The following DEPDC5 variants were observed in gnomAD, a reference collection of about 807,000 sequenced individuals.
DEPDC5 encodes DEP domain containing 5, GATOR1 subcomplex subunit, also known as GATOR1 complex protein DEPDC5.
Under a neutral mutation model 217.3 loss-of-function variants are expected in DEPDC5, and 73 were observed. The observed-to-expected ratio is 0.34, with a 90% CI of 0.28 to 0.41. The LOEUF is 0.41. Ranked by LOEUF, DEPDC5 falls within the 10% of genes least tolerant of loss-of-function variation. The pLI, the probability that DEPDC5 is intolerant of heterozygous loss-of-function variation, is 1.00. For missense variants in DEPDC5, 1,675 were observed against 2,070.1 expected, an observed-to-expected ratio of 0.81 and a Z score of 3.70; for synonymous variants, 733 against 756.7, an observed-to-expected ratio of 0.97 and a Z score of 0.51.
At chr22:31,879,280 C>T (rs2093108334) in intron 37 of DEPDC5, among the ~76,000 whole-genome samples, 1 of 151,608 alleles carries the variant, frequency 6.6e-6, no homozygotes, top group Non-Finnish European at 1.5e-5. Flanking sequence ...GAAATGAAAC[C>T]CCATCCCCTT....
At position 31,802,770 on chromosome 22, in the gene DEPDC5, C is replaced by A. The variant is rs759230562; in HGVS notation, c.1013C>A (p.Pro338His). ...RTGQMSVVIT[P>H]GVGVFEVDRL... is the part of the protein sequence containing the mutation. Reference sequence around the variant, plus strand: ...GGGCAGATGTCAGTGGTGATCACGCCCGGGGTGGGTGTCTTTGAAGTGGAC... The same window carrying A: ...GGGCAGATGTCAGTGGTGATCACGCACGGGGTGGGTGTCTTTGAAGTGGAC... The change falls in exon 15 of 43, where the codon CCC becomes CAC. Residue 338 changes from proline (P) to histidine (H), a missense_variant. This residue lies in a region of DEPDC5 where 628 missense variants were observed against 762.1 expected (regional missense o/e 0.82). Coordinates refer to ENST00000651528, the MANE Select transcript of DEPDC5 (RefSeq NM_001242896.3). 1 of 1,605,740 alleles carries A rather than the reference C, an allele frequency of 6.2e-7. No individual in the cohort carries two copies. The highest frequency in any genetic ancestry group is 8.5e-7 in the Non-Finnish European group (1 of 1,176,526).
intron 38 of DEPDC5, among the ~76,000 whole-genome samples, chr22:31,885,666 A>G (rs1477654374): frequency 1.4e-5 from 2 of 147,100 alleles, no homozygotes; most frequent in Non-Finnish European, 3.0e-5. Context: ...CAGAGCTTGC[A>G]GTGAGCCGAG....
At chr22:31,794,106 C>CA (rs374473695) in intron 12 of DEPDC5, among the ~76,000 whole-genome samples, 73 of 152,284 alleles carry the variant, frequency 4.8e-4, no homozygotes, top group African/African-American at 1.7e-3. Flanking sequence ...ATGGACCTGA[C>CA]ACAGTCAATC....
chr22:31,851,739 G>T (rs192481264), intron 31 of DEPDC5, among the ~76,000 whole-genome samples: 513 of 152,300 alleles, frequency 3.4e-3, no homozygotes, highest in Non-Finnish European at 5.5e-3. Flanking sequence ...TGTCATGCCC[G>T]CAGGAACCTG....
chr22:31,898,395 G>A (rs1420400431), intron 40 of DEPDC5, among the ~76,000 whole-genome samples: 1 of 152,172 alleles, frequency 6.6e-6, no homozygotes, highest in Non-Finnish European at 1.5e-5. Context: ...CGTTGTGGAT[G>A]CACATATAAA....
chr22:31,798,706 A>G lies in DEPDC5; in HGVS notation c.946+50A>G, dbSNP rs201826750. The G allele has an allele frequency of 6.4e-4, 999 of 1,571,692 alleles. 2 individuals carry two copies. The highest frequency in any genetic ancestry group is 1.2e-3 in the Admixed American group (73 of 58,860). On this transcript the variant is annotated intron_variant, in intron 14 of 42. Coordinates refer to ENST00000651528, the MANE Select transcript of DEPDC5 (RefSeq NM_001242896.3). ...CCAGCATCTTGCCTACCACATGGCT[A>G]TGTTACCGGAAAGGTGTCCTGATCC...
chr22:31,775,987 G>GC (rs1185961986), intron 7 of DEPDC5, among the ~76,000 whole-genome samples: 2 of 146,452 alleles, frequency 1.4e-5, no homozygotes, highest in Non-Finnish European at 3.0e-5. Flanking sequence ...GTTGCAGTGA[G>GC]CTGAGATCGC....
rs369183411 is a variant in DEPDC5, at chr22:31,906,014, C to G, written c.4467C>G (p.Ala1489=). 2.5e-5 allele frequency: 41 copies of G among 1,614,036 alleles called. 1 individual carries two copies. The South Asian group carries it at 4.3e-4, about 17-fold the overall frequency. Residue 1489 remains alanine, a synonymous_variant, in exon 42 of 43, where the codon GCC becomes GCG. Transcript: ENST00000651528. The surrounding 1 kb of genome is among the most constrained non-coding windows in gnomAD (Gnocchi z 5.1). ...GGTTTGTACAAGATAAATATTCTGC[C>G]TCTGCTTTTAACTTCCCTGCTGAGA... is the stretch of plus-strand genomic sequence containing the variant. ...RFGFVQDKYS[A]SAFNFPAENK...
intron 38 of DEPDC5, among the ~76,000 whole-genome samples, chr22:31,889,190 C>T (rs751074682): frequency 6.6e-6 from 1 of 152,174 alleles, no homozygotes; most frequent in Non-Finnish European, 1.5e-5. Context: ...ATTTATTGGT[C>T]TTGTGTGAAT....
In DEPDC5 at chr22:31,906,324, A is replaced by G. The variant is rs956720557; in HGVS notation, c.4639A>G (p.Asn1547Asp). ...GTTCTGCGAGGAGCGGGTCGGCTAC[A>G]ACTGGGCCTACAACACCATGCTCAC... ...NMFCEERVGY[N>D]WAYNTMLTKT... The change falls in exon 43 of 43, where the codon AAC (asparagine) becomes GAC (aspartate). Residue 1547 changes from asparagine to aspartate, a missense_variant. Physicochemically the swap from Asn to Asp is conservative, Grantham distance 23. Around this residue, in one of 11 missense-constraint regions of DEPDC5, gnomAD observed 42 missense variants for 27.7 expected, o/e 1.51. Transcript: ENST00000651528. This position sits in a 1 kb window ranked among gnomAD's most constrained non-coding sequence, Gnocchi z 5.1. 6.2e-7 allele frequency: 1 copy of G among 1,613,988 alleles called. No homozygotes were observed.
At chr22:31,789,159 A>G (rs2085351143) in intron 10 of DEPDC5, among the ~76,000 whole-genome samples, 1 of 152,262 alleles carries the variant, frequency 6.6e-6, no homozygotes, top group Non-Finnish European at 1.5e-5. Flanking sequence ...GGCCTCCCAA[A>G]GTGCCGGATT....
intron 12 of DEPDC5, among the ~76,000 whole-genome samples, chr22:31,793,903 A>G: frequency 6.6e-6 from 1 of 152,156 alleles, no homozygotes; most frequent in Non-Finnish European, 1.5e-5. Flanking sequence ...ATTATCAGAT[A>G]GTAATAGTTA....
chr22:31,786,410 C>T, intron 10 of DEPDC5, among the ~76,000 whole-genome samples: 1 of 111,914 alleles, frequency 8.9e-6, no homozygotes, highest in Non-Finnish European at 1.8e-5. Context: ...AAAAAGTTAG[C>T]TGGATGTGGT....
intron 6 of DEPDC5, among the ~76,000 whole-genome samples, chr22:31,768,554 A>G (rs2083027575): frequency 6.6e-6 from 1 of 152,208 alleles, no homozygotes; most frequent in South Asian, 2.1e-4. Context: ...CTGGTCATTT[A>G]TCATCCACCT....
chr22:31,773,819 C>T (rs1377659670), intron 7 of DEPDC5, among the ~76,000 whole-genome samples: 3 of 152,172 alleles, frequency 2.0e-5, no homozygotes, highest in African/African-American at 4.8e-5. Flanking sequence ...CGCCTATAAT[C>T]CCAGCACTTT....
At position 31,820,300 on chromosome 22, in the gene DEPDC5, C is replaced by T. The variant is rs555676411; in HGVS notation, c.1870+1075C>T. 3.3e-5 allele frequency among the ~76,000 whole-genome samples: 5 copies of T among 152,190 alleles called. No individual in the cohort carries two copies. The South Asian group carries it at 6.2e-4, about 19-fold the overall frequency. ...CTAATTTTTGTATTTCTAGTAGAGA[C>T]GGGGTTTCACCATGTTGGTCAGGCT... On this transcript the variant is annotated intron_variant, in intron 22 of 42. Transcript: ENST00000651528.
intron 31 of DEPDC5, among the ~76,000 whole-genome samples, chr22:31,855,507 G>A (rs1415633660): frequency 6.6e-6 from 1 of 151,344 alleles, no homozygotes; most frequent in African/African-American, 2.4e-5. Flanking sequence ...CTCCCAAGTA[G>A]TTGGGACTAC....
intron 31 of DEPDC5, 32 bp from the exon 32 acceptor site, chr22:31,857,413 A>G: frequency 6.4e-7 from 1 of 1,555,996 alleles, no homozygotes; most frequent in Non-Finnish European, 8.7e-7. Flanking sequence ...AGCTCTGAGC[A>G]AGCTGCTGTC....
intron 10 of DEPDC5, among the ~76,000 whole-genome samples, chr22:31,791,296 A>C (rs2085603317): frequency 6.6e-6 from 1 of 152,022 alleles, no homozygotes; most frequent in Non-Finnish European, 1.5e-5. Flanking sequence ...TGCAGCCTAT[A>C]ATTACCTGAA....
Sources: allele counts gnomAD v4.1 joint callset (sites outside exome capture counted in the v4.1 genomes callset), GRCh38; gene constraint gnomAD v4.1.1; regional missense constraint gnomAD v4.1.1; non-coding constraint Gnocchi (gnomAD v3.1); transcripts MANE v1.5; gene names NCBI Gene and HGNC (gene_info 2026-07-23, HGNC 2026-07-21).